KIAA1328: variants seen among roughly 807,000 people sequenced by gnomAD.
The protein encoded by KIAA1328 is KIAA1328.
In KIAA1328, 52 loss-of-function variants were observed where a neutral mutation model predicts 68.1. The ratio of observed to expected loss-of-function variants is 0.76; its 90% CI spans 0.61 to 0.96. The LOEUF is 0.96. Among genes scored for constraint, KIAA1328 ranks in the 40% least tolerant of loss-of-function variants. The pLI is 0.00. For synonymous variants in KIAA1328, 232 were observed against 239.4 expected, an observed-to-expected ratio of 0.97 and a Z score of 0.28; for missense variants, 641 against 677.6, an observed-to-expected ratio of 0.95 and a Z score of 0.60.
chr18:36,996,945 G>A (rs1263090002), intron 6 of KIAA1328, among the ~76,000 whole-genome samples: 3 of 152,202 alleles, frequency 2.0e-5, no homozygotes, highest in East Asian at 1.9e-4. Context: ...GTGGACGTGC[G>A]CATTGGATTT....
At chr18:37,119,705 A>G (rs2058217117) in intron 7 of KIAA1328, among the ~76,000 whole-genome samples, 1 of 152,064 alleles carries the variant, frequency 6.6e-6, no homozygotes, top group Non-Finnish European at 1.5e-5. Context: ...AATTTAGTCC[A>G]TAGTGTGTGT....
intron 7 of KIAA1328, among the ~76,000 whole-genome samples, chr18:37,106,910 G>T (rs546013904): frequency 1.3e-5 from 2 of 152,156 alleles, no homozygotes; most frequent in Admixed American, 1.3e-4. Flanking sequence ...AGATTTTCCT[G>T]CCACTTACCC....
At chr18:36,908,045 T>C (rs2049286308) in intron 5 of KIAA1328, among the ~76,000 whole-genome samples, 1 of 152,202 alleles carries the variant, frequency 6.6e-6, no homozygotes, top group Admixed American at 6.5e-5. Flanking sequence ...TATCATTGTC[T>C]TTATTTATAT....
intron 4 of KIAA1328, among the ~76,000 whole-genome samples, chr18:36,850,374 T>TTTTA (rs781393674): frequency 2.0e-4 from 31 of 152,222 alleles, no homozygotes; most frequent in Non-Finnish European, 3.1e-4. Flanking sequence ...GCTGTAATAG[T>TTTTA]TTTATTTATT....
At chr18:37,122,646 C>G (rs998262170) in intron 7 of KIAA1328, among the ~76,000 whole-genome samples, 2 of 149,266 alleles carry the variant, frequency 1.3e-5, no homozygotes, top group Admixed American at 6.6e-5. Context: ...GAAAGGACAA[C>G]TATGTTGCAG....
chr18:36,857,367 C>A (rs1275402548), intron 4 of KIAA1328, among the ~76,000 whole-genome samples: 1 of 152,184 alleles, frequency 6.6e-6, no homozygotes, highest in Non-Finnish European at 1.5e-5. Context: ...TTTTGACAGA[C>A]AATGCTTGGA....
intron 7 of KIAA1328, among the ~76,000 whole-genome samples, chr18:37,094,471 C>A (rs1340881096): frequency 6.6e-6 from 1 of 152,150 alleles, no homozygotes; most frequent in Non-Finnish European, 1.5e-5. Context: ...TCCTTCATGA[C>A]TCTCATTCAC....
intron 7 of KIAA1328, among the ~76,000 whole-genome samples, chr18:37,133,316 G>GA (rs879536664): frequency 0.039 from 4,696 of 119,820 alleles, 86 homozygotes; most frequent in Middle Eastern, 0.073. Context: ...TGGGCAATAA[G>GA]AAAAAAAAAA....
At chr18:37,166,347 C>G (rs1274827044) in intron 8 of KIAA1328, among the ~76,000 whole-genome samples, 1 of 152,186 alleles carries the variant, frequency 6.6e-6, no homozygotes, top group Non-Finnish European at 1.5e-5. Flanking sequence ...CAACCCGCAG[C>G]CCGTGGGCCA....
intron 5 of KIAA1328, among the ~76,000 whole-genome samples, chr18:36,908,310 C>T (rs2049296992): frequency 6.6e-6 from 1 of 152,046 alleles, no homozygotes; most frequent in Admixed American, 6.6e-5. Context: ...ATTTTAGCAA[C>T]TTACAGACAA....
chr18:37,100,510 CAA>C, intron 7 of KIAA1328, among the ~76,000 whole-genome samples: 1 of 152,314 alleles, frequency 6.6e-6, no homozygotes, highest in East Asian at 1.9e-4. Context: ...AGTAGGTAAA[CAA>C]AGCGGCCAGG....
At chr18:37,095,739 A>G (rs1437130676) in intron 7 of KIAA1328, among the ~76,000 whole-genome samples, 1 of 134,182 alleles carries the variant, frequency 7.5e-6, no homozygotes, top group Non-Finnish European at 1.5e-5. Flanking sequence ...GATGAAGTTG[A>G]TAAACCACTA....
At chr18:37,047,039 GGA>G (rs2055499448) in intron 6 of KIAA1328, among the ~76,000 whole-genome samples, 4 of 152,158 alleles carry the variant, frequency 2.6e-5, no homozygotes, top group Non-Finnish European at 5.9e-5. Context: ...GGCTGAGGCA[GGA>G]GAAACACTTG....
At chr18:36,902,081 C>G (rs1183094536) in intron 5 of KIAA1328, 3 of 151,638 alleles carry the variant, frequency 2.0e-5, no homozygotes, top group African/African-American at 4.8e-5. Context: ...TGGATGTGCT[C>G]TTCTATCTAG....
At chr18:37,066,853 GTTC>G in intron 6 of KIAA1328, 34 bp from the exon 7 acceptor site, 1 of 1,498,656 alleles carries the variant, frequency 6.7e-7, no homozygotes, top group Non-Finnish European at 8.9e-7. Context: ...GTTTTGTTGT[GTTC>G]TTATTTGACA....
intron 6 of KIAA1328, among the ~76,000 whole-genome samples, chr18:37,002,068 C>T (rs1432665659): frequency 6.6e-6 from 1 of 151,964 alleles, no homozygotes; most frequent in East Asian, 1.9e-4. Context: ...TCAAATTGTT[C>T]CTTGGTAGTG....
At chr18:36,936,058 A>T (rs1021784723) in intron 5 of KIAA1328, among the ~76,000 whole-genome samples, 1 of 152,182 alleles carries the variant, frequency 6.6e-6, no homozygotes, top group African/African-American at 2.4e-5. Flanking sequence ...AGTTTTAAAA[A>T]ATGTTTATCT....
At chr18:37,012,689 G>C (rs186320530) in intron 6 of KIAA1328, among the ~76,000 whole-genome samples, 158 of 152,272 alleles carry the variant, frequency 1.0e-3, no homozygotes, top group African/African-American at 3.5e-3. Context: ...ACCAGGCTGT[G>C]GGTGTTCTGT....
At chr18:37,146,849 A>G (rs1186753706) in intron 7 of KIAA1328, among the ~76,000 whole-genome samples, 1 of 152,200 alleles carries the variant, frequency 6.6e-6, no homozygotes, top group Non-Finnish European at 1.5e-5. Flanking sequence ...CATATACATT[A>G]GATCTTAATA....
Sources: gnomAD v4.1 joint callset for allele counts (sites outside exome capture counted in the v4.1 genomes callset) on GRCh38, gnomAD v4.1.1 for gene constraint, MANE v1.5 for transcripts, NCBI Gene and HGNC (gene_info 2026-07-23, HGNC 2026-07-21) for gene names.